MAGI2: variants seen among roughly 807,000 people sequenced by gnomAD.
MAGI2 encodes membrane associated guanylate kinase, WW and PDZ domain containing 2, also known as membrane-associated guanylate kinase, WW and PDZ domain-containing protein 2.
Under a neutral mutation model 133.3 loss-of-function variants are expected in MAGI2, and 35 were observed. The ratio of observed to expected loss-of-function variants is 0.26; its 90% confidence interval spans 0.20 to 0.35. MAGI2 has a LOEUF of 0.35. MAGI2 is among the 10% of genes least tolerant of loss of function. The pLI, the probability that MAGI2 is intolerant of heterozygous loss-of-function variation, is 1.00. For synonymous variants in MAGI2, 729 were observed against 710.6 expected (o/e 1.03, Z -0.41); for missense variants, 1,636 against 1,863.4 (o/e 0.88, Z 2.25).
intron 10 of MAGI2, among the ~76,000 whole-genome samples, chr7:78,242,256 C>T (rs1791231791): frequency 6.6e-6 from 1 of 152,142 alleles, no homozygotes; most frequent in African/African-American, 2.4e-5. Context: ...CTTATTTTAG[C>T]TGTGAGTTAG....
intron 1 of MAGI2, among the ~76,000 whole-genome samples, chr7:79,448,127 T>C (rs1848989895): frequency 1.3e-5 from 2 of 151,896 alleles, no homozygotes; most frequent in South Asian, 2.1e-4. Context: ...CAAATTACTA[T>C]GTAAAAATAA....
rs1820977338 is a variant in MAGI2 at position 78,727,913 on chromosome 7, A to G, written c.419-100674T>C. Among the ~76,000 whole-genome samples, 3 of 152,212 alleles carry G rather than the reference A, an allele frequency of 2.0e-5. No homozygotes were observed. In the South Asian group the frequency reaches 6.2e-4, roughly 31 times the overall value. Reference sequence around the variant, plus strand: ...CCTGCACACAAAGAGCATATTGTCTAGTGACTGAGAGTAAAAATAAACACA... The same window carrying G: ...CCTGCACACAAAGAGCATATTGTCTGGTGACTGAGAGTAAAAATAAACACA... On this transcript the variant is annotated intron_variant, in intron 2 of 21. Coordinates refer to ENST00000354212, the MANE Select transcript of MAGI2 (RefSeq NM_012301.4).
At chr7:79,271,394 G>A (rs867312830) in intron 1 of MAGI2, among the ~76,000 whole-genome samples, 13 of 152,080 alleles carry the variant, frequency 8.5e-5, no homozygotes, top group African/African-American at 2.9e-4. Flanking sequence ...CATTTGGTGG[G>A]TAATGGACTT....
intron 15 of MAGI2, among the ~76,000 whole-genome samples, chr7:78,167,473 C>A (rs191356521): frequency 1.3e-5 from 2 of 152,164 alleles, no homozygotes; most frequent in African/African-American, 4.8e-5. Context: ...TCAGGAGCAA[C>A]AGCTTTATTG....
At chr7:78,988,243 A>G (rs944375270) in intron 2 of MAGI2, among the ~76,000 whole-genome samples, 9 of 152,094 alleles carry the variant, frequency 5.9e-5, no homozygotes, top group Admixed American at 5.9e-4. Flanking sequence ...CTACAAACAA[A>G]GCCACAAATT....
intron 1 of MAGI2, among the ~76,000 whole-genome samples, chr7:79,062,255 T>G (rs1410020343): frequency 6.6e-6 from 1 of 152,096 alleles, no homozygotes; most frequent in Non-Finnish European, 1.5e-5. Context: ...AGTCCACAAT[T>G]GCTTACAAAT....
At chr7:79,426,274 T>C (rs1361658919) in intron 1 of MAGI2, among the ~76,000 whole-genome samples, 10 of 152,030 alleles carry the variant, frequency 6.6e-5, no homozygotes, top group Non-Finnish European at 4.4e-5. Context: ...ATCAGAAACA[T>C]GCTCTTGACT....
intron 4 of MAGI2, among the ~76,000 whole-genome samples, chr7:78,502,437 G>A (rs1794705434): frequency 6.6e-6 from 1 of 152,092 alleles, no homozygotes; most frequent in Non-Finnish European, 1.5e-5. Flanking sequence ...ACACAGCTCT[G>A]CCAACAAGGA....
intron 2 of MAGI2, among the ~76,000 whole-genome samples, chr7:78,991,590 CTT>C (rs537865391): frequency 3.6e-4 from 50 of 139,114 alleles, no homozygotes; most frequent in African/African-American, 4.7e-4. Flanking sequence ...CTTCATTGTC[CTT>C]TTTTTTTTTT....
At chr7:78,128,569 ATT>A (rs769651576) in intron 18 of MAGI2, among the ~76,000 whole-genome samples, 1 of 145,194 alleles carries the variant, frequency 6.9e-6, no homozygotes. Context: ...AAGAGTCTGG[ATT>A]TTTTTTTTTT....
At chr7:78,490,945 A>G (rs189486799) in intron 5 of MAGI2, among the ~76,000 whole-genome samples, 4 of 152,116 alleles carry the variant, frequency 2.6e-5, no homozygotes, top group Admixed American at 2.6e-4. Flanking sequence ...TGGAACATGA[A>G]AGGAAGAATA....
At chr7:78,975,954 C>G (rs1307868993) in intron 2 of MAGI2, among the ~76,000 whole-genome samples, 1 of 151,508 alleles carries the variant, frequency 6.6e-6, no homozygotes, top group African/African-American at 2.4e-5. Flanking sequence ...CATAAACTAT[C>G]AAAACTCACA....
chr7:78,188,470 C>T (rs1296623494), intron 12 of MAGI2, among the ~76,000 whole-genome samples: 3 of 152,146 alleles, frequency 2.0e-5, no homozygotes, highest in African/African-American at 4.8e-5. Context: ...GAAAATCTCT[C>T]AGTACAATTG....
chr7:78,183,563 C>T (rs1183077866), intron 13 of MAGI2, among the ~76,000 whole-genome samples: 1 of 151,766 alleles, frequency 6.6e-6, no homozygotes, highest in Non-Finnish European at 1.5e-5. Context: ...CGCAATCGGC[C>T]ATTTTTGTAT....
chr7:78,028,070 T>C (rs1290617554), intron 21 of MAGI2, among the ~76,000 whole-genome samples: 1 of 152,262 alleles, frequency 6.6e-6, no homozygotes, highest in Non-Finnish European at 1.5e-5. Flanking sequence ...TTAAGAATTG[T>C]GTTCAAACTA....
In MAGI2 at chr7:78,135,216, C is replaced by A. The variant is rs779562652; in HGVS notation, c.2846-10G>T. ...ATTTTATGGGGCACAGCTAAAAAAA[C>A]CCCAACAGAAATAGGTATCAGGGAC... On this transcript the variant is annotated splice_polypyrimidine_tract_variant and intron_variant, in intron 16 of 21. Coordinates refer to ENST00000354212, the MANE Select transcript of MAGI2 (RefSeq NM_012301.4). 2.1e-5 allele frequency: 34 copies of A among 1,612,566 alleles called. 1 individual carries two copies. The South Asian group carries it at 3.3e-4, about 16-fold the overall frequency.
chr7:78,389,483 C>T (rs1583844217), intron 6 of MAGI2, among the ~76,000 whole-genome samples: 1 of 152,148 alleles, frequency 6.6e-6, no homozygotes, highest in Non-Finnish European at 1.5e-5. Context: ...GTGCTCAACA[C>T]GGACAAGTGT....
At position 78,018,992 on chromosome 7, in the gene MAGI2, CA is replaced by C. The variant is rs1200424839; in HGVS notation, c.*322del. 2 of 399,578 alleles carry C rather than the reference CA, an allele frequency of 5.0e-6. No homozygotes were observed. The highest frequency in any genetic ancestry group is 8.8e-6 in the Non-Finnish European group (2 of 226,684). The allele number at this position is 399,578 out of a possible 1,614,324, so 24.8% of individuals were successfully genotyped here. ...TTGGATGACATCCAAGTCCTTCATG[CA>C]GTGGGGAGGAATATTTTTTTTTCTT... On this transcript the variant is annotated 3_prime_UTR_variant, in exon 22 of 22. Transcript: ENST00000354212.
At chr7:78,052,819 T>C (rs1812154781) in intron 21 of MAGI2, among the ~76,000 whole-genome samples, 1 of 152,146 alleles carries the variant, frequency 6.6e-6, no homozygotes, top group African/African-American at 2.4e-5. Flanking sequence ...TAATCAAGGA[T>C]ATATATGGGA....
Sources: gnomAD v4.1 joint callset for allele counts (sites outside exome capture counted in the v4.1 genomes callset) on GRCh38, gnomAD v4.1.1 for gene constraint, MANE v1.5 for transcripts, NCBI Gene and HGNC (gene_info 2026-07-23, HGNC 2026-07-21) for gene names.